Variants in RANBP2 observed in about 807,000 individuals in gnomAD.
The protein encoded by RANBP2 is RAN binding protein 2.
Under a neutral mutation model 303.6 loss-of-function variants are expected in RANBP2, and 57 were observed. The ratio of observed to expected loss-of-function variants is 0.19; its 90% CI spans 0.15 to 0.23. The LOEUF is 0.23. Among genes scored for constraint, RANBP2 ranks in the 10% least tolerant of loss-of-function variants. RANBP2 has a pLI of 1.00. For missense variants in RANBP2, 3,138 were observed against 3,780.8 expected (o/e 0.83, Z 4.46); for synonymous variants, 1,167 against 1,301.5 (o/e 0.90, Z 2.23).
chr2:109,501,497 C>T, the RANBP2 span: 1 of 775,880 alleles, frequency 1.3e-6, no homozygotes, highest in South Asian at 1.4e-5. Context: ...TGTGCTGTTT[C>T]CCCAGGTACC....
the RANBP2 span, among the ~76,000 whole-genome samples, chr2:108,966,156 C>T: frequency 1.3e-5 from 2 of 152,222 alleles, no homozygotes; most frequent in South Asian, 2.1e-4. Flanking sequence ...TTGAAGCAAG[C>T]CTCTCCTCCT....
At chr2:109,799,255 A>G in the RANBP2 span, among the ~76,000 whole-genome samples, 3 of 137,480 alleles carry the variant, frequency 2.2e-5, no homozygotes, top group African/African-American at 8.5e-5. Flanking sequence ...AAAAAAAAAA[A>G]GGAAGGGGGG....
At chr2:109,113,332 C>T in the RANBP2 span, among the ~76,000 whole-genome samples, 2 of 151,838 alleles carry the variant, frequency 1.3e-5, no homozygotes, top group African/African-American at 4.8e-5. Context: ...TGTAGTTCTC[C>T]TTGAAGAGGT....
chr2:108,781,120 A>G, intron 25 of RANBP2, 149 bp from the exon 26 acceptor site: 1 of 919,986 alleles, frequency 1.1e-6, no homozygotes, highest in Non-Finnish European at 1.6e-6. Context: ...TACAGGCGTG[A>G]GGAATTTACT....
the RANBP2 span, chr2:109,544,275 T>C: frequency 3.1e-6 from 5 of 1,612,994 alleles, no homozygotes. Flanking sequence ...AGTTTGCTTG[T>C]GATGATGACC....
At chr2:109,223,170 G>T in the RANBP2 span, among the ~76,000 whole-genome samples, 1 of 152,248 alleles carries the variant, frequency 6.6e-6, no homozygotes, top group Admixed American at 6.5e-5. Context: ...ACCAGCATGG[G>T]TGCTGCTGCC....
chr2:109,240,587 T>A, the RANBP2 span, among the ~76,000 whole-genome samples: 4 of 152,294 alleles, frequency 2.6e-5, no homozygotes, highest in Admixed American at 1.3e-4. Flanking sequence ...GACTTGTGGA[T>A]AAATAGGTTT....
the RANBP2 span, among the ~76,000 whole-genome samples, chr2:109,738,322 A>G: frequency 1.2e-5 from 1 of 86,736 alleles, no homozygotes; most frequent in Admixed American, 1.1e-4. Flanking sequence ...CCATTTATTT[A>G]TTGTTTTTTT....
rs1054396208 is a variant in RANBP2 at position 108,784,671 on chromosome 2, T to C, written c.*770T>C. 2.0e-5 allele frequency: 3 copies of C among 152,648 alleles called. No homozygotes were observed. The highest frequency in any genetic ancestry group is 7.2e-5 in the African/African-American group (3 of 41,464). The allele number at this position is 152,648 out of a possible 1,614,324, so 9.5% of individuals were successfully genotyped here. A position where few individuals can be genotyped will look rare whatever the true frequency, so the allele number is the denominator to read the frequency against. ...TTTCCTTGTAGTTATTGTGATAAAG[T>C]ATGAATATTTTTAGAAAGTCTATAC... On this transcript the variant is annotated 3_prime_UTR_variant, in exon 29 of 29. Transcript: ENST00000283195.
chr2:109,262,991 C>A, the RANBP2 span, among the ~76,000 whole-genome samples: 1 of 151,200 alleles, frequency 6.6e-6, no homozygotes, highest in Non-Finnish European at 1.5e-5. Context: ...CGCCACCACA[C>A]CTGGCTCGTT....
At chr2:108,727,401 A>G (rs1471990293) in intron 1 of RANBP2, among the ~76,000 whole-genome samples, 2 of 152,206 alleles carry the variant, frequency 1.3e-5, no homozygotes, top group African/African-American at 4.8e-5. Context: ...AGTGTGTGAT[A>G]AGTGCTTAGT....
At chr2:109,377,262 C>T in the RANBP2 span, among the ~76,000 whole-genome samples, 1 of 152,146 alleles carries the variant, frequency 6.6e-6, no homozygotes, top group East Asian at 1.9e-4. Context: ...CTCCGTGGGC[C>T]AGCGGGGCGT....
chr2:108,882,315 C>T, the RANBP2 span: 1 of 152,028 alleles, frequency 6.6e-6, no homozygotes, highest in African/African-American at 2.4e-5. Flanking sequence ...GCAGGGTTGC[C>T]ACAAATCTTC....
At chr2:109,212,104 G>A in the RANBP2 span, among the ~76,000 whole-genome samples, 1 of 152,232 alleles carries the variant, frequency 6.6e-6, no homozygotes, top group Non-Finnish European at 1.5e-5. Flanking sequence ...TGGGTGGTTG[G>A]TGCGGCTTGC....
At chr2:109,009,683 G>A in the RANBP2 span, among the ~76,000 whole-genome samples, 7 of 146,200 alleles carry the variant, frequency 4.8e-5, no homozygotes, top group South Asian at 1.5e-3. Flanking sequence ...GTACCACTAC[G>A]CCTGGCTGAC....
the RANBP2 span, among the ~76,000 whole-genome samples, chr2:109,468,519 G>A: frequency 3.3e-5 from 5 of 152,208 alleles, no homozygotes; most frequent in Admixed American, 6.5e-5. Context: ...GTTTCCATGC[G>A]CCTGGCAAGA....
the RANBP2 span, among the ~76,000 whole-genome samples, chr2:108,979,467 T>TCTCTCACACACA: frequency 2.7e-5 from 4 of 147,112 alleles, no homozygotes; most frequent in African/African-American, 5.0e-5. Flanking sequence ...TCTCTCTCTC[T>TCTCTCACACACA]CACACACACA....
chr2:109,083,615 G>T, the RANBP2 span, among the ~76,000 whole-genome samples: 2 of 152,244 alleles, frequency 1.3e-5, no homozygotes, highest in African/African-American at 4.8e-5. Context: ...CTGTGAACAT[G>T]GGTGTGCAAA....
At chr2:109,585,704 G>C in the RANBP2 span, 1 of 1,520,654 alleles carries the variant, frequency 6.6e-7, no homozygotes, top group Non-Finnish European at 9.1e-7. Context: ...CTTAGAGGAA[G>C]AGTAGGTGGC....
Sources: gnomAD v4.1 joint callset for allele counts (sites outside exome capture counted in the v4.1 genomes callset) on GRCh38, gnomAD v4.1.1 for gene constraint, MANE v1.5 for transcripts, NCBI Gene and HGNC (gene_info 2026-07-23, HGNC 2026-07-21) for gene names.